The following TRIM71 variants were observed in gnomAD, a reference collection of about 807,000 sequenced individuals.
The protein encoded by TRIM71 is tripartite motif containing 71, also known as E3 ubiquitin-protein ligase TRIM71.
TRIM71 carries 9 observed loss-of-function variants against 61.2 expected under a neutral mutation model. The observed-to-expected ratio is 0.15, with a 90% confidence interval of 0.09 to 0.26. TRIM71 has a LOEUF of 0.26. Ranked by LOEUF, TRIM71 falls within the 10% of genes least tolerant of loss-of-function variation. The pLI is 1.00. For synonymous variants in TRIM71, 645 were observed against 553.2 expected, an observed-to-expected ratio of 1.17 and a Z score of -2.33; for missense variants, 998 against 1,238.7, an observed-to-expected ratio of 0.81 and a Z score of 2.92.
chr3:32,881,796 G>A (rs1217404659), intron 2 of TRIM71, among the ~76,000 whole-genome samples: 2 of 152,176 alleles, frequency 1.3e-5, no homozygotes, highest in Admixed American at 1.3e-4. Flanking sequence ...TTGGGAACTA[G>A]TTCAATAAGT....
intron 2 of TRIM71, among the ~76,000 whole-genome samples, chr3:32,880,628 A>G (rs1444746680): frequency 6.6e-6 from 1 of 152,216 alleles, no homozygotes; most frequent in Non-Finnish European, 1.5e-5. Flanking sequence ...AGAGTTGGCC[A>G]TAACAAGAAC....
At chr3:32,878,291 T>C (rs1315909789) in intron 2 of TRIM71, among the ~76,000 whole-genome samples, 1 of 152,156 alleles carries the variant, frequency 6.6e-6, no homozygotes, top group Admixed American at 6.6e-5. Flanking sequence ...TTCTGAGCGG[T>C]AGGTCTGAAC....
At chr3:32,838,236 T>C (rs1014731401) in intron 1 of TRIM71, among the ~76,000 whole-genome samples, 1 of 152,146 alleles carries the variant, frequency 6.6e-6, no homozygotes, top group African/African-American at 2.4e-5. Context: ...TTATTATATT[T>C]TTTTGAGACG....
At chr3:32,826,433 G>A (rs1187734462) in intron 1 of TRIM71, among the ~76,000 whole-genome samples, 1 of 152,068 alleles carries the variant, frequency 6.6e-6, no homozygotes, top group African/African-American at 2.4e-5. Context: ...ACAAGACTAT[G>A]TCTCACAAAC....
rs1468527880 is a variant in TRIM71 at position 32,890,315 on chromosome 3, G to A, written c.1156-45G>A. 6.3e-7 allele frequency: 1 copy of A among 1,578,794 alleles called. No homozygotes were observed. Among genetic ancestry groups the A allele is most frequent in the East Asian group, 2.3e-5 (1 of 44,368 alleles). ...GCTTATGTGGTATTTTCTGTGCTTG[G>A]CTCTAAGCCTCTGTGTCTTTCTCCA... On this transcript the variant is annotated intron_variant, in intron 3 of 3. Coordinates refer to ENST00000383763, the MANE Select transcript of TRIM71 (RefSeq NM_001039111.3). This position sits in a 1 kb window ranked among gnomAD's most constrained non-coding sequence, Gnocchi z 6.2.
At chr3:32,851,770 C>T (rs545449585) in intron 1 of TRIM71, among the ~76,000 whole-genome samples, 282 of 152,310 alleles carry the variant, frequency 1.9e-3, no homozygotes, top group Non-Finnish European at 3.6e-3. Context: ...TGAGCCACCA[C>T]GCCCTGCCTG....
intron 2 of TRIM71, among the ~76,000 whole-genome samples, chr3:32,879,857 C>G (rs934206275): frequency 6.6e-6 from 1 of 151,584 alleles, no homozygotes; most frequent in Non-Finnish European, 1.5e-5. Flanking sequence ...GTCTGTAGTC[C>G]CAGCTACTCG....
chr3:32,866,627 T>C (rs1696739362), intron 1 of TRIM71, among the ~76,000 whole-genome samples: 1 of 152,112 alleles, frequency 6.6e-6, no homozygotes, highest in African/African-American at 2.4e-5. Context: ...CTCCGAGACT[T>C]TGGACAGGGC....
chr3:32,881,370 C>T (rs1245010107), intron 2 of TRIM71, among the ~76,000 whole-genome samples: 2 of 152,280 alleles, frequency 1.3e-5, no homozygotes, highest in East Asian at 1.9e-4. Context: ...CCAGTATGGT[C>T]GCCTACAAGT....
At chr3:32,855,762 G>GTTT (rs1201285573) in intron 1 of TRIM71, among the ~76,000 whole-genome samples, 15 of 152,132 alleles carry the variant, frequency 9.9e-5, no homozygotes, top group Admixed American at 9.8e-4. Context: ...CTGACATGTG[G>GTTT]TTTAAGTGGT....
chr3:32,844,259 A>G (rs1294058280), intron 1 of TRIM71, among the ~76,000 whole-genome samples: 2 of 152,158 alleles, frequency 1.3e-5, no homozygotes, highest in Non-Finnish European at 2.9e-5. Flanking sequence ...TGGGGATTCT[A>G]ATGCTGGTGG....
chr3:32,849,885 C>T (rs574499990), intron 1 of TRIM71, among the ~76,000 whole-genome samples: 1 of 152,278 alleles, frequency 6.6e-6, no homozygotes, highest in African/African-American at 2.4e-5. Flanking sequence ...GGTTGCCAGG[C>T]CCTGAGATTG....
Position 32,891,151 on chromosome 3 carries a change from G to A in TRIM71, c.1947G>A (p.Arg649=). The change falls in exon 4 of 4, where the codon CGG becomes CGA. Residue 649 remains arginine, a synonymous_variant. Transcript: ENST00000383763. The surrounding 1 kb of genome is among the most constrained non-coding windows in gnomAD (Gnocchi z 8.2). The stretch of plus-strand genomic sequence containing the variant: ...ACAAATTCGGCACCCTGGGCTCCCG[G>A]CCTGGGCAGTTCGACCGACCAGCCG... ...FHHKFGTLGS[R]PGQFDRPAGV... is the part of the protein sequence containing the mutation. 1 of 1,613,016 alleles carries A rather than the reference G, an allele frequency of 6.2e-7. No homozygotes were observed. The highest frequency in any genetic ancestry group is 8.5e-7 in the Non-Finnish European group (1 of 1,180,016).
Position 32,818,589 on chromosome 3 carries a change from C to A in TRIM71, c.509C>A (p.Ala170Glu). ...ASASAPPLPQ[A>E]PQPPAPSRSA... ...GCCTCCGCGCCGCCACTCCCGCAGGCGCCGCAGCCGCCCGCGCCTTCCCGC... is the reference window on the plus strand; with the variant it reads ...GCCTCCGCGCCGCCACTCCCGCAGGAGCCGCAGCCGCCCGCGCCTTCCCGC... Residue 170 changes from alanine to glutamate, a missense_variant, in exon 1 of 4, where the codon GCG becomes GAG. By Grantham distance (107) the Ala-to-Glu change is moderately radical. Transcript: ENST00000383763. 15 of 1,310,982 alleles carry A rather than the reference C, an allele frequency of 1.1e-5. No homozygotes were observed. Among genetic ancestry groups the A allele is most frequent in the Non-Finnish European group, 1.4e-5 (15 of 1,038,574 alleles). 81.2% of individuals were successfully genotyped at this position (1,310,982 alleles called of 1,614,324 possible).
chr3:32,868,026 G>A (rs1039941980), intron 1 of TRIM71, among the ~76,000 whole-genome samples: 1 of 152,092 alleles, frequency 6.6e-6, no homozygotes, highest in Non-Finnish European at 1.5e-5. Flanking sequence ...AACAGACGCT[G>A]CTGAGACTGC....
At chr3:32,878,603 G>A (rs564962645) in intron 2 of TRIM71, among the ~76,000 whole-genome samples, 10 of 151,960 alleles carry the variant, frequency 6.6e-5, no homozygotes, top group Admixed American at 3.3e-4. Context: ...CAACAAGAGC[G>A]AAACCCTGTC....
chr3:32,873,345 T>C (rs1696818941), intron 1 of TRIM71, among the ~76,000 whole-genome samples: 1 of 152,158 alleles, frequency 6.6e-6, no homozygotes. Flanking sequence ...TGTTACTGGC[T>C]CTTAACCTTG....
At chr3:32,834,713 G>C (rs920446938) in intron 1 of TRIM71, among the ~76,000 whole-genome samples, 2 of 152,094 alleles carry the variant, frequency 1.3e-5, no homozygotes, top group African/African-American at 4.8e-5. Flanking sequence ...GCGGTGGCGG[G>C]CGCCTGTAGT....
At position 32,891,562 on chromosome 3, in the gene TRIM71, G is replaced by A. The variant is rs773055035; in HGVS notation, c.2358G>A (p.Ser786=). 1.2e-5 allele frequency: 20 copies of A among 1,613,578 alleles called. No individual in the cohort carries two copies. The highest frequency in any genetic ancestry group is 1.6e-5 in the Non-Finnish European group (19 of 1,179,798). ...PDCQSARFLG[S]EGTGNGQFLR... ...GCCAGTCGGCACGCTTTCTGGGCTC[G>A]GAGGGCACAGGCAATGGGCAGTTCC... The change falls in exon 4 of 4, where the codon TCG becomes TCA. Residue 786 remains serine, a synonymous_variant. Coordinates refer to ENST00000383763, the MANE Select transcript of TRIM71 (RefSeq NM_001039111.3). The surrounding 1 kb of genome is among the most constrained non-coding windows in gnomAD (Gnocchi z 8.2).
Sources: gnomAD v4.1 joint callset for allele counts (sites outside exome capture counted in the v4.1 genomes callset) on GRCh38, gnomAD v4.1.1 for gene constraint, Gnocchi (gnomAD v3.1) non-coding constraint, MANE v1.5 for transcripts, NCBI Gene and HGNC (gene_info 2026-07-23, HGNC 2026-07-21) for gene names.